PSD3: variants seen among roughly 807,000 people sequenced by gnomAD.
The protein encoded by PSD3 is PH and SEC7 domain-containing protein 3.
Under a neutral mutation model 105.5 loss-of-function variants are expected in PSD3, and 49 were observed. The observed-to-expected ratio is 0.46, with a 90% CI of 0.37 to 0.59. The LOEUF is 0.59. PSD3 is among the 20% of genes least tolerant of loss of function. The pLI, the probability that PSD3 is intolerant of heterozygous loss-of-function variation, is 0.00. For missense variants in PSD3, 1,561 were observed against 1,263.8 expected, an observed-to-expected ratio of 1.24 and a Z score of -3.57; for synonymous variants, 557 against 457.8, an observed-to-expected ratio of 1.22 and a Z score of -2.77.
chr8:18,823,546 C>T (rs1027390731), intron 4 of PSD3, among the ~76,000 whole-genome samples: 4 of 152,006 alleles, frequency 2.6e-5, no homozygotes, highest in Non-Finnish European at 2.9e-5. Flanking sequence ...TCCTGAATTC[C>T]GCAACTTATC....
chr8:18,747,384 C>T (rs112917659), intron 9 of PSD3, among the ~76,000 whole-genome samples: 1 of 152,130 alleles, frequency 6.6e-6, no homozygotes, highest in Non-Finnish European at 1.5e-5. Context: ...AATCAATTTT[C>T]CCTACAGGAA....
intron 2 of PSD3, among the ~76,000 whole-genome samples, chr8:18,893,430 G>A (rs116749875): frequency 0.027 from 4,157 of 152,302 alleles, 80 homozygotes; most frequent in African/African-American, 0.054. Context: ...TGTACTTATC[G>A]AGTTGATTTC....
At chr8:18,913,503 G>A (rs1235592327) in intron 2 of PSD3, among the ~76,000 whole-genome samples, 1 of 152,002 alleles carries the variant, frequency 6.6e-6, no homozygotes, top group African/African-American at 2.4e-5. Context: ...CTTGCAGATA[G>A]AGACTCCAGG....
chr8:19,029,847 G>T (rs183019887), intron 1 of PSD3, among the ~76,000 whole-genome samples: 1 of 151,904 alleles, frequency 6.6e-6, no homozygotes, highest in Non-Finnish European at 1.5e-5. Context: ...TTTGTATGTC[G>T]ATCTTGCATT....
chr8:18,774,515 T>A (rs1053224971), intron 8 of PSD3: 1 of 251,876 alleles, frequency 4.0e-6, no homozygotes, highest in Non-Finnish European at 7.8e-6. Context: ...ACCTTTTTTT[T>A]TCCTCCAGTT....
intron 9 of PSD3, among the ~76,000 whole-genome samples, chr8:18,752,624 ATT>A (rs1491169089): frequency 4.6e-5 from 4 of 87,860 alleles, no homozygotes; most frequent in Admixed American, 3.8e-4. Context: ...TATAATATAT[ATT>A]ATATATAATA....
At chr8:18,968,601 G>T (rs752466912) in intron 1 of PSD3, among the ~76,000 whole-genome samples, 12 of 152,212 alleles carry the variant, frequency 7.9e-5, no homozygotes, top group Admixed American at 2.0e-4. Flanking sequence ...CCTGGGCCAG[G>T]TGTGGTGGCT....
chr8:18,681,446 C>CAAAA (rs528679351), intron 9 of PSD3, among the ~76,000 whole-genome samples: 21 of 62,196 alleles, frequency 3.4e-4, no homozygotes, highest in South Asian at 7.4e-4. Context: ...GTTTCTGTTT[C>CAAAA]AAAAAAAAAA....
intron 1 of PSD3, among the ~76,000 whole-genome samples, chr8:18,970,688 T>A (rs1416343662): frequency 2.0e-5 from 3 of 151,882 alleles, no homozygotes; most frequent in Non-Finnish European, 4.4e-5. Context: ...GATGCGGTGG[T>A]TCGTGCCTAT....
At chr8:18,909,140 T>C (rs1288546683) in intron 2 of PSD3, among the ~76,000 whole-genome samples, 2 of 152,244 alleles carry the variant, frequency 1.3e-5, no homozygotes. Flanking sequence ...TACTCTAAGT[T>C]GCTTTTTCCT....
At chr8:18,556,087 A>G in intron 15 of PSD3, 122 bp downstream of exon 15, 2 of 1,248,432 alleles carry the variant, frequency 1.6e-6, no homozygotes, top group Non-Finnish European at 2.2e-6. Flanking sequence ...AGGAGCTCCC[A>G]AATTAGAGCC....
intron 2 of PSD3, among the ~76,000 whole-genome samples, chr8:18,878,578 C>T (rs1182491680): frequency 3.9e-5 from 6 of 152,156 alleles, no homozygotes; most frequent in African/African-American, 7.2e-5. Context: ...CATACACACG[C>T]TCCTTTGCCT....
intron 2 of PSD3, among the ~76,000 whole-genome samples, chr8:18,875,784 G>A (rs760172671): frequency 3.1e-4 from 47 of 152,174 alleles, no homozygotes; most frequent in Admixed American, 6.5e-4. Flanking sequence ...TGATCCGCCC[G>A]CCTAGGCCTC....
chr8:18,555,348 G>A (rs56084557), intron 15 of PSD3, among the ~76,000 whole-genome samples: 3,962 of 151,760 alleles, frequency 0.026, 109 homozygotes, highest in African/African-American at 0.071. Flanking sequence ...ACAAAGGAGA[G>A]GAACAATGAG....
chr8:18,939,729 A>G (rs1253207017), intron 1 of PSD3, among the ~76,000 whole-genome samples: 1 of 152,190 alleles, frequency 6.6e-6, no homozygotes, highest in Non-Finnish European at 1.5e-5. Flanking sequence ...TATTCTGACA[A>G]AAGATCTAGA....
intron 9 of PSD3, among the ~76,000 whole-genome samples, chr8:18,726,782 T>C (rs17127095): frequency 0.093 from 14,205 of 152,234 alleles, 1,835 homozygotes; most frequent in African/African-American, 0.3. Flanking sequence ...AAAACTACTA[T>C]CTTAATGTTC....
chr8:18,670,255 G>C (rs1028594769), intron 9 of PSD3, among the ~76,000 whole-genome samples: 1 of 152,170 alleles, frequency 6.6e-6, no homozygotes, highest in Non-Finnish European at 1.5e-5. Flanking sequence ...GAAACCCAGC[G>C]GGGCTGGTGC....
intron 12 of PSD3, among the ~76,000 whole-genome samples, chr8:18,585,997 G>A (rs1394354078): frequency 1.3e-5 from 2 of 151,982 alleles, no homozygotes. Context: ...ATTTTCCTAG[G>A]GGGATCTGAG....
chr8:18,565,465 A>G (rs2130254513), intron 14 of PSD3, among the ~76,000 whole-genome samples: 1 of 152,354 alleles, frequency 6.6e-6, no homozygotes, highest in South Asian at 2.1e-4. Context: ...ACTGGCAATA[A>G]TCAATTTTAA....
Sources: gnomAD v4.1 joint callset for allele counts (sites outside exome capture counted in the v4.1 genomes callset) on GRCh38, gnomAD v4.1.1 for gene constraint, MANE v1.5 for transcripts, NCBI Gene and HGNC (gene_info 2026-07-23, HGNC 2026-07-21) for gene names.